The following PHACTR2 variants were observed in gnomAD, a reference collection of about 807,000 sequenced individuals.
The protein encoded by PHACTR2 is chromosome 6 open reading frame 56.
A neutral mutation model predicts 76.0 loss-of-function variants in PHACTR2; 30 were observed. That is an observed-to-expected ratio of 0.39 (90% CI 0.30 to 0.54). The LOEUF is 0.54. Ranked by LOEUF, PHACTR2 falls within the 20% of genes least tolerant of loss-of-function variation. The probability of loss-of-function intolerance (pLI) is 0.61; values close to 1 mark genes in which losing one functional copy is unlikely to be tolerated. For missense variants in PHACTR2, 696 were observed against 781.1 expected, an observed-to-expected ratio of 0.89 and a Z score of 1.30; for synonymous variants, 292 against 292.5, an observed-to-expected ratio of 1.00 and a Z score of 0.02.
chr6:143,819,355 G>A lies in PHACTR2; in HGVS notation c.1923-4319G>A, dbSNP rs139916576. 5.4e-3 allele frequency among the ~76,000 whole-genome samples: 824 copies of A among 152,254 alleles called. 4 individuals are homozygous for A. Among genetic ancestry groups the A allele is most frequent in the Non-Finnish European group, 9.6e-3 (656 of 68,034 alleles). On this transcript the variant is annotated intron_variant, in intron 12 of 12. Coordinates refer to ENST00000440869, the MANE Select transcript of PHACTR2 (RefSeq NM_001100164.2). The surrounding 1 kb of genome is among the most constrained non-coding windows in gnomAD (Gnocchi z 5.0). The stretch of plus-strand genomic sequence containing the variant: ...AAGAAAAGGTAATAGGACAGGGGTG[G>A]GTATAGATCCGATGGCCAAGAAAGG...
rs987613525 is a variant in PHACTR2, at chr6:143,783,676, A to G, written c.1707+396A>G. Among the ~76,000 whole-genome samples, 3 of 152,182 alleles carry G rather than the reference A, an allele frequency of 2.0e-5. No individual in the cohort carries two copies. Among genetic ancestry groups the G allele is most frequent in the Non-Finnish European group, 4.4e-5 (3 of 68,042 alleles). ...CAATATAATGCACATGCTATGAGTG[A>G]TGTTTCTGATTGTGTGTTGTGCTAA... On this transcript the variant is annotated intron_variant, in intron 10 of 12. Coordinates refer to ENST00000440869, the MANE Select transcript of PHACTR2 (RefSeq NM_001100164.2). This position sits in a 1 kb window ranked among gnomAD's most constrained non-coding sequence, Gnocchi z 5.2.
chr6:143,606,733 C>T (rs145178116), upstream of PHACTR2, among the ~76,000 whole-genome samples: 71 of 152,104 alleles, frequency 4.7e-4, no homozygotes, highest in African/African-American at 1.5e-3. Flanking sequence ...GGCAAGTAGA[C>T]GAGGTATAGA....
chr6:143,735,628 T>TA (rs1409026537), intron 2 of PHACTR2, among the ~76,000 whole-genome samples: 3 of 152,164 alleles, frequency 2.0e-5, no homozygotes, highest in South Asian at 2.1e-4. Context: ...AATGTTTTTT[T>TA]AAAAAAACTT....
intron 11 of PHACTR2, among the ~76,000 whole-genome samples, chr6:143,799,240 A>T (rs1775899192): frequency 6.6e-6 from 1 of 152,006 alleles, no homozygotes; most frequent in African/African-American, 2.4e-5. Flanking sequence ...TATCCCCTTT[A>T]TCATTTTTTA....
chr6:143,749,399 C>A (rs1291402667), intron 3 of PHACTR2, among the ~76,000 whole-genome samples: 1 of 152,184 alleles, frequency 6.6e-6, no homozygotes, highest in Non-Finnish European at 1.5e-5. Context: ...TTTCTATTCA[C>A]ATGAAACTCA....
chr6:143,673,771 GCTCA>G (rs369835758), upstream of PHACTR2, among the ~76,000 whole-genome samples: 271 of 151,270 alleles, frequency 1.8e-3, 2 homozygotes, highest in African/African-American at 6.2e-3. Context: ...CAACTGTGGG[GCTCA>G]CTCACTAAGC....
chr6:143,690,246 T>A (rs1398330975), intron 1 of PHACTR2, among the ~76,000 whole-genome samples: 1 of 152,246 alleles, frequency 6.6e-6, no homozygotes, highest in Non-Finnish European at 1.5e-5. Context: ...CAGGTTCATC[T>A]TTAAGAGCTT....
chr6:143,747,087 A>C (rs1006613750), intron 2 of PHACTR2, among the ~76,000 whole-genome samples: 1 of 152,212 alleles, frequency 6.6e-6, no homozygotes, highest in Non-Finnish European at 1.5e-5. Context: ...TATCCAAAAA[A>C]AGTTTGACAA....
rs930291824 is a variant in PHACTR2 at position 143,723,000 on chromosome 6, A to G, written c.214+10817A>G. 3.3e-5 allele frequency among the ~76,000 whole-genome samples: 5 copies of G among 152,182 alleles called. No individual in the cohort carries two copies. The highest frequency in any genetic ancestry group is 7.2e-5 in the African/African-American group (3 of 41,442). ...GAATAATATTCCATTGTGTATATGT[A>G]CTACATTTTCTTTACCCATTCATCT... On this transcript the variant is annotated intron_variant, in intron 2 of 12. Coordinates refer to ENST00000440869, the MANE Select transcript of PHACTR2 (RefSeq NM_001100164.2). The surrounding 1 kb of genome is among the most constrained non-coding windows in gnomAD (Gnocchi z 4.1).
At chr6:143,573,109 A>C (rs1417427269) in intron 1 of PHACTR2, among the ~76,000 whole-genome samples, 1 of 152,210 alleles carries the variant, frequency 6.6e-6, no homozygotes, top group East Asian at 1.9e-4. Flanking sequence ...ATTGCATTTC[A>C]TTGTATATTA....
rs114019630 is a variant in PHACTR2, at chr6:143,692,727, T to C, written c.46+14518T>C. Reference sequence around the variant, plus strand: ...AACTTTTCTTTTTCCTTCTTTCAAGTGGGCTGAGGTGGAGGTGAGGTTGAA... The same window carrying C: ...AACTTTTCTTTTTCCTTCTTTCAAGCGGGCTGAGGTGGAGGTGAGGTTGAA... On this transcript the variant is annotated intron_variant, in intron 1 of 12. Transcript: ENST00000440869. Among the ~76,000 whole-genome samples the C allele has an allele frequency of 6.9e-3, 1,047 of 152,362 alleles. 14 individuals are homozygous for C. The highest frequency in any genetic ancestry group is 0.023 in the African/African-American group (936 of 41,580).
chr6:143,629,292 C>G (rs1447037053), intron 1 of PHACTR2, among the ~76,000 whole-genome samples: 1 of 151,998 alleles, frequency 6.6e-6, no homozygotes, highest in Non-Finnish European at 1.5e-5. Context: ...ATTTTACCAT[C>G]TGAGAAAGAG....
At position 143,772,450 on chromosome 6, in the gene PHACTR2, T is replaced by C; in HGVS notation, c.1425T>C (p.Ser475=). ...DEDEDEDEDG[S]GESALASKIR... is the part of the protein sequence containing the mutation. Reference sequence around the variant, plus strand: ...ACGAAGACGAAGATGAGGATGGCAGTGGAGAAAGTAAGACTGTTTTCAAGA... The same window carrying C: ...ACGAAGACGAAGATGAGGATGGCAGCGGAGAAAGTAAGACTGTTTTCAAGA... The change falls in exon 7 of 13, where the codon AGT becomes AGC. Residue 475 remains serine (S), a synonymous_variant. Transcript: ENST00000440869. The surrounding 1 kb of genome is among the most constrained non-coding windows in gnomAD (Gnocchi z 5.4). 3 of 1,612,992 alleles carry C rather than the reference T, an allele frequency of 1.9e-6. No individual in the cohort carries two copies. Among genetic ancestry groups the C allele is most frequent in the Non-Finnish European group, 2.5e-6 (3 of 1,179,176 alleles).
chr6:143,666,144 TG>T (rs1777030693), intron 1 of PHACTR2, among the ~76,000 whole-genome samples: 1 of 152,098 alleles, frequency 6.6e-6, no homozygotes, highest in South Asian at 2.1e-4. Context: ...TTTCCGTTCC[TG>T]TGTGAATTTG....
intron 1 of PHACTR2, among the ~76,000 whole-genome samples, chr6:143,645,368 G>T (rs535292458): frequency 6.6e-6 from 1 of 151,996 alleles, no homozygotes; most frequent in Admixed American, 6.6e-5. Context: ...AATGGCATTC[G>T]CAGTGACCTG....
chr6:143,747,122 T>C (rs2235996), intron 2 of PHACTR2, among the ~76,000 whole-genome samples: 1 of 152,316 alleles, frequency 6.6e-6, no homozygotes, highest in East Asian at 1.9e-4. Flanking sequence ...AGCTTATATA[T>C]TGTACATAAA....
chr6:143,813,561 T>A (rs977726897), intron 12 of PHACTR2, among the ~76,000 whole-genome samples: 2 of 133,196 alleles, frequency 1.5e-5, no homozygotes, highest in African/African-American at 5.9e-5. Flanking sequence ...GAGCTTGCAG[T>A]GAGCCGAGAT....
chr6:143,817,994 G>T (rs992426591), intron 12 of PHACTR2, among the ~76,000 whole-genome samples: 1 of 152,100 alleles, frequency 6.6e-6, no homozygotes, highest in Non-Finnish European at 1.5e-5. Flanking sequence ...AGAGAATTTT[G>T]AATGTTCCTG....
chr6:143,760,325 T>C lies in PHACTR2; in HGVS notation c.455-76T>C. 1 of 1,338,810 alleles carries C rather than the reference T, an allele frequency of 7.5e-7. No individual in the cohort carries two copies. The highest frequency in any genetic ancestry group is 1.0e-6 in the Non-Finnish European group (1 of 967,370). 82.9% of individuals were successfully genotyped at this position (1,338,810 alleles called of 1,614,324 possible). A position where few individuals can be genotyped will look rare whatever the true frequency, so the allele number is the denominator to read the frequency against. ...CAAGCAGACACGCTTTGTGTCACTA[T>C]CGTCATGTCTTGCTCCTTGTGTTTA... is the stretch of plus-strand genomic sequence containing the variant. On this transcript the variant is annotated intron_variant, in intron 4 of 12. Coordinates refer to ENST00000440869, the MANE Select transcript of PHACTR2 (RefSeq NM_001100164.2). The surrounding 1 kb of genome is among the most constrained non-coding windows in gnomAD (Gnocchi z 6.4).
Sources: allele counts gnomAD v4.1 joint callset (sites outside exome capture counted in the v4.1 genomes callset), GRCh38; gene constraint gnomAD v4.1.1; non-coding constraint Gnocchi (gnomAD v3.1); transcripts MANE v1.5; gene names NCBI Gene and HGNC (gene_info 2026-07-23, HGNC 2026-07-21).